The following PTPRT variants were observed in gnomAD, a reference collection of about 807,000 sequenced individuals.
PTPRT encodes the protein receptor-type tyrosine-protein phosphatase T.
In PTPRT, 56 loss-of-function variants were observed where a neutral mutation model predicts 176.8. The observed-to-expected ratio is 0.32, with a 90% CI of 0.26 to 0.40. The LOEUF is 0.40. Ranked by LOEUF, PTPRT falls within the 10% of genes least tolerant of loss-of-function variation. The pLI, the probability that PTPRT is intolerant of heterozygous loss-of-function variation, is 1.00. For missense variants in PTPRT, 1,540 were observed against 1,908.2 expected (o/e 0.81, Z 3.60); for synonymous variants, 783 against 739.0 (o/e 1.06, Z -0.96).
intron 13 of PTPRT, among the ~76,000 whole-genome samples, chr20:42,278,628 G>A (rs6016734): frequency 6.6e-6 from 1 of 152,024 alleles, no homozygotes; most frequent in East Asian, 1.9e-4. Flanking sequence ...CTCAAAGGGG[G>A]ACTGAACAAT....
chr20:42,600,816 A>G lies in PTPRT; in HGVS notation c.1153+77050T>C, dbSNP rs749087593. On this transcript the variant is annotated intron_variant, in intron 7 of 30. Coordinates refer to ENST00000373187, the MANE Select transcript of PTPRT (RefSeq NM_007050.6). ...TTCTTTTATGGCCGAATAGAGTTCCATGGTATATATGCAACACATTTTCTT... is the reference window on the plus strand; with the variant it reads ...TTCTTTTATGGCCGAATAGAGTTCCGTGGTATATATGCAACACATTTTCTT... Among the ~76,000 whole-genome samples, 11 of 152,186 alleles carry G rather than the reference A, an allele frequency of 7.2e-5. 1 individual carries two copies. Among genetic ancestry groups the G allele is most frequent in the Non-Finnish European group, 1.3e-4 (9 of 68,036 alleles).
In PTPRT at chr20:42,608,308, A is replaced by G. The variant is rs545024896; in HGVS notation, c.1153+69558T>C. On this transcript the variant is annotated intron_variant, in intron 7 of 30. Coordinates refer to ENST00000373187, the MANE Select transcript of PTPRT (RefSeq NM_007050.6). ...ACTCTATAAAGAGGACCGTTGCCAG[A>G]AAGGATTAATTCATTAATGAATATG... Among the ~76,000 whole-genome samples the G allele has an allele frequency of 1.6e-3, 241 of 152,280 alleles. 1 individual carries two copies. Among genetic ancestry groups the G allele is most frequent in the African/African-American group, 5.7e-3 (235 of 41,552 alleles).
chr20:42,149,043 C>T (rs1989006407), intron 17 of PTPRT, among the ~76,000 whole-genome samples: 2 of 152,224 alleles, frequency 1.3e-5, no homozygotes. Flanking sequence ...CACAGGAATG[C>T]ACACTTCCAG....
At chr20:42,368,402 G>T (rs2058543437) in intron 9 of PTPRT, among the ~76,000 whole-genome samples, 1 of 152,114 alleles carries the variant, frequency 6.6e-6, no homozygotes, top group Non-Finnish European at 1.5e-5. Context: ...TTTAGCAGAT[G>T]TACCCTCCAG....
At chr20:43,036,955 G>A (rs775129099) in intron 1 of PTPRT, among the ~76,000 whole-genome samples, 30 of 152,196 alleles carry the variant, frequency 2.0e-4, no homozygotes, top group Non-Finnish European at 3.8e-4. Flanking sequence ...TTTTCTAAGT[G>A]ATAGGATTGA....
intron 6 of PTPRT, 137 bp downstream of exon 6, chr20:42,756,325 A>T: frequency 1.1e-6 from 1 of 887,960 alleles, no homozygotes; most frequent in Non-Finnish European, 1.6e-6. Flanking sequence ...TGTGTTGGGG[A>T]GGGAGGCCAG....
At chr20:42,110,150 G>A (rs929729451) in intron 23 of PTPRT, among the ~76,000 whole-genome samples, 183 bp downstream of exon 23, 4 of 151,788 alleles carry the variant, frequency 2.6e-5, no homozygotes, top group African/African-American at 9.7e-5. Context: ...GGGTTCAAGC[G>A]ATTCCTCTGC....
chr20:42,427,198 G>A (rs1249157336), intron 9 of PTPRT, among the ~76,000 whole-genome samples: 3 of 152,082 alleles, frequency 2.0e-5, no homozygotes, highest in African/African-American at 7.2e-5. Context: ...TTTTCTTTCT[G>A]TAACAGTCTA....
intron 9 of PTPRT, among the ~76,000 whole-genome samples, chr20:42,370,073 G>A (rs774348276): frequency 6.6e-6 from 1 of 151,994 alleles, no homozygotes; most frequent in African/African-American, 2.4e-5. Context: ...CCTGTAACCC[G>A]TGTGTTATGA....
intron 2 of PTPRT, among the ~76,000 whole-genome samples, chr20:42,818,834 G>A (rs1457350705): frequency 6.6e-6 from 1 of 152,142 alleles, no homozygotes; most frequent in East Asian, 1.9e-4. Flanking sequence ...AATAAGATAT[G>A]CAGACAAGAA....
At chr20:42,819,902 G>A (rs2077860877) in intron 2 of PTPRT, among the ~76,000 whole-genome samples, 7 of 152,096 alleles carry the variant, frequency 4.6e-5, no homozygotes, top group Admixed American at 4.6e-4. Flanking sequence ...CAATACAGGA[G>A]CACCCAGATT....
chr20:42,155,600 T>C (rs902290898), intron 17 of PTPRT, among the ~76,000 whole-genome samples: 3 of 152,226 alleles, frequency 2.0e-5, no homozygotes, highest in South Asian at 2.1e-4. Flanking sequence ...ATGAATGTTA[T>C]AGGACTTGAT....
intron 8 of PTPRT, among the ~76,000 whole-genome samples, chr20:42,449,665 AC>A (rs1400631320): frequency 3.3e-5 from 5 of 152,198 alleles, no homozygotes; most frequent in Non-Finnish European, 7.3e-5. Context: ...TAAAGAGGGA[AC>A]TAAACACCTG....
At chr20:43,124,455 G>A (rs1294921226) in intron 1 of PTPRT, among the ~76,000 whole-genome samples, 1 of 152,132 alleles carries the variant, frequency 6.6e-6, no homozygotes, top group Non-Finnish European at 1.5e-5. Flanking sequence ...CCAAGGCCAG[G>A]AAATAATCCC....
At position 42,256,517 on chromosome 20, in the gene PTPRT, A is replaced by G. The variant is rs547099275; in HGVS notation, c.2177-7695T>C. Among the ~76,000 whole-genome samples, 4 of 151,758 alleles carry G rather than the reference A, an allele frequency of 2.6e-5. No individual in the cohort carries two copies. In the South Asian group the frequency reaches 8.3e-4, roughly 32 times the overall value. ...TTTTTAAAAATGAAAAAAAAAATGT[A>G]TTTCAGATACTTTACGCTAGTGTGA... On this transcript the variant is annotated intron_variant, in intron 13 of 30. Coordinates refer to ENST00000373187, the MANE Select transcript of PTPRT (RefSeq NM_007050.6).
chr20:43,066,819 C>A (rs2011116443), intron 1 of PTPRT, among the ~76,000 whole-genome samples: 1 of 152,210 alleles, frequency 6.6e-6, no homozygotes, highest in Non-Finnish European at 1.5e-5. Context: ...CCCACCCTCT[C>A]TTTTCGTAAA....
intron 7 of PTPRT, among the ~76,000 whole-genome samples, chr20:42,673,406 G>A (rs769800862): frequency 6.6e-5 from 10 of 152,304 alleles, no homozygotes; most frequent in Non-Finnish European, 1.2e-4. Flanking sequence ...GATTTATTAC[G>A]TCGGGGGACA....
intron 7 of PTPRT, among the ~76,000 whole-genome samples, chr20:42,490,216 G>T (rs191706122): frequency 1.3e-5 from 2 of 152,048 alleles, no homozygotes; most frequent in African/African-American, 4.8e-5. Context: ...TGACTACTAT[G>T]ATTTTTCCCC....
intron 1 of PTPRT, among the ~76,000 whole-genome samples, chr20:43,145,397 T>G (rs759699304): frequency 2.0e-5 from 3 of 152,178 alleles, no homozygotes; most frequent in Admixed American, 6.5e-5. Flanking sequence ...GTTTCCTATA[T>G]CTCTATTAAT....
Sources: gnomAD v4.1 joint callset for allele counts (sites outside exome capture counted in the v4.1 genomes callset) on GRCh38, gnomAD v4.1.1 for gene constraint, MANE v1.5 for transcripts, NCBI Gene and HGNC (gene_info 2026-07-23, HGNC 2026-07-21) for gene names.